Variants in RNF7 observed in about 807,000 individuals in gnomAD.
RNF7 encodes the protein ring finger protein 7, also known as RING-box protein 2.
Under a neutral mutation model 17.0 loss-of-function variants are expected in RNF7, and 9 were observed. The ratio of observed to expected loss-of-function variants is 0.53; its 90% confidence interval spans 0.32 to 0.92. The LOEUF (loss-of-function observed/expected upper bound fraction) is 0.92, where lower values mean the gene tolerates loss of function less well. Ranked by LOEUF, RNF7 falls within the 40% of genes least tolerant of loss-of-function variation. The pLI, the probability that RNF7 is intolerant of heterozygous loss-of-function variation, is 0.04. For synonymous variants in RNF7, 59 were observed against 50.5 expected, an observed-to-expected ratio of 1.17 and a Z score of -0.72; for missense variants, 87 against 145.8, an observed-to-expected ratio of 0.60 and a Z score of 2.08.
intron 1 of RNF7, among the ~76,000 whole-genome samples, chr3:141,739,308 T>G (rs1250100360): frequency 6.6e-6 from 1 of 152,196 alleles, no homozygotes; most frequent in Non-Finnish European, 1.5e-5. Flanking sequence ...GAGTCATGCC[T>G]TTGTGGAGAA....
Position 141,745,301 on chromosome 3 carries a change from G to T in RNF7, c.*24G>T, listed in dbSNP as rs377041894. 3.3e-6 allele frequency: 5 copies of T among 1,515,234 alleles called. No individual in the cohort carries two copies. The highest frequency in any genetic ancestry group is 4.6e-6 in the Non-Finnish European group (5 of 1,093,004). 93.9% of individuals were successfully genotyped at this position (1,515,234 alleles called of 1,614,324 possible). On this transcript the variant is annotated 3_prime_UTR_variant, in exon 3 of 3. Transcript: ENST00000273480. ...GAGAGTGGTTAGAAGGCTTCTTAGC[G>T]CAGTTGTTCAGAGCCCTGGTGGATC...
rs532349432 is a variant in RNF7, at chr3:141,738,312, C to T, written c.-30C>T. 6 of 1,532,282 alleles carry T rather than the reference C, an allele frequency of 3.9e-6. No individual in the cohort carries two copies. In the African/African-American group the frequency reaches 6.9e-5, roughly 18 times the overall value. 94.9% of individuals were successfully genotyped at this position (1,532,282 alleles called of 1,614,324 possible). A position where few individuals can be genotyped will look rare whatever the true frequency, so the allele number is the denominator to read the frequency against. On this transcript the variant is annotated 5_prime_UTR_variant, in exon 1 of 3. It adds an upstream start codon to the 5' untranslated region. Coordinates refer to ENST00000273480, the MANE Select transcript of RNF7 (RefSeq NM_014245.5). ...TAGCCTTCCGCCTTCCCCAAGCCAA[C>T]GTCTCCGCCGTCGGCTCCGCGGCGC...
rs1451795150 is a variant in RNF7 at position 141,738,661 on chromosome 3, G to A, written c.175+145G>A. On this transcript the variant is annotated intron_variant, in intron 1 of 2. Transcript: ENST00000273480. The stretch of plus-strand genomic sequence containing the variant: ...GAGGTCGCCCTGCCCCGGCGCCGGA[G>A]GAACGCGGAGCCACGCTCCTGCTGC... The A allele has an allele frequency of 7.8e-6, 7 of 893,828 alleles. No individual in the cohort carries two copies. The East Asian group carries it at 1.5e-4, about 19-fold the overall frequency. The allele number at this position is 893,828 out of a possible 1,614,324, so 55.4% of individuals were successfully genotyped here. A position where few individuals can be genotyped will look rare whatever the true frequency, so the allele number is the denominator to read the frequency against.
At chr3:141,741,090 T>G (rs901640840) in intron 1 of RNF7, among the ~76,000 whole-genome samples, 4 of 152,238 alleles carry the variant, frequency 2.6e-5, no homozygotes, top group African/African-American at 7.2e-5. Context: ...CCTTCATGAC[T>G]GTATCACCTT....
chr3:141,742,280 G>A (rs1012556844), intron 1 of RNF7, among the ~76,000 whole-genome samples: 34 of 143,970 alleles, frequency 2.4e-4, no homozygotes, highest in African/African-American at 8.4e-4. Flanking sequence ...AGGCTGGAGT[G>A]CAGTGGCGCT....
In RNF7 at chr3:141,743,506, T is replaced by C. The variant is rs1001997419; in HGVS notation, c.176-3T>C. ...ATGAGAATCGCTATTTGTTTACTTT[T>C]AGATGCCTGTCTTAGATGTCAAGCT... On this transcript the variant is annotated splice_polypyrimidine_tract_variant and splice_region_variant and intron_variant, in intron 1 of 2. Coordinates refer to ENST00000273480, the MANE Select transcript of RNF7 (RefSeq NM_014245.5). The C allele has an allele frequency of 6.2e-7, 1 of 1,608,878 alleles. No individual in the cohort carries two copies. Among genetic ancestry groups the C allele is most frequent in the Admixed American group, 1.7e-5 (1 of 58,864 alleles).
At chr3:141,738,956 A>T (rs937971457) in intron 1 of RNF7, among the ~76,000 whole-genome samples, 6 of 152,168 alleles carry the variant, frequency 3.9e-5, no homozygotes, top group African/African-American at 1.4e-4. Context: ...TCAGCAGTGA[A>T]CTTTAATAGT....
At position 141,738,491 on chromosome 3, in the gene RNF7, C is replaced by G; in HGVS notation, c.150C>G (p.Cys50Trp). 1 of 1,613,522 alleles carries G rather than the reference C, an allele frequency of 6.2e-7. No homozygotes were observed. The highest frequency in any genetic ancestry group is 1.7e-5 in the Admixed American group (1 of 59,988). The change falls in exon 1 of 3, where the codon TGC becomes TGG. Residue 50 changes from cysteine to tryptophan, a missense_variant. Physicochemically the swap from Cys to Trp is radical, Grantham distance 215 (BLOSUM62 -2). This residue lies in a region of RNF7 where 36 missense variants were observed against 104.7 expected (regional missense o/e 0.34). Transcript: ENST00000273480. The part of the protein sequence containing the change: ...MWSWDVECDT[C>W]AICRVQVMDA... ...GCTGGGACGTGGAGTGCGATACGTGCGCCATCTGCAGGGTCCAGGTGATGG... is the reference window on the plus strand; with the variant it reads ...GCTGGGACGTGGAGTGCGATACGTGGGCCATCTGCAGGGTCCAGGTGATGG...
In RNF7 at chr3:141,745,117, AT is replaced by A. The variant is rs1559832570; in HGVS notation, c.224-40del. 6 of 1,317,654 alleles carry A rather than the reference AT, an allele frequency of 4.6e-6. No homozygotes were observed. The South Asian group carries it at 7.6e-5, about 17-fold the overall frequency. 81.6% of individuals were successfully genotyped at this position (1,317,654 alleles called of 1,614,324 possible). A position where few individuals can be genotyped will look rare whatever the true frequency, so the allele number is the denominator to read the frequency against. On this transcript the variant is annotated intron_variant, in intron 2 of 2. Coordinates refer to ENST00000273480, the MANE Select transcript of RNF7 (RefSeq NM_014245.5). Reference sequence around the variant, plus strand: ...CTATAATTTTGAGTTCAGTGTTTAAATTGAAATATGTAATGTCAACTCTTCT... The same window carrying A: ...CTATAATTTTGAGTTCAGTGTTTAAATGAAATATGTAATGTCAACTCTTCT...
In RNF7 at chr3:141,743,490, G is replaced by A. The variant is rs72998398; in HGVS notation, c.176-19G>A. The A allele has an allele frequency of 0.014, 22,174 of 1,600,530 alleles. 2,339 individuals are homozygous for A. In the African/African-American group the frequency reaches 0.24, roughly 17 times the overall value. ...CATTCTGAGCATCAGAATGAGAATC[G>A]CTATTTGTTTACTTTTAGATGCCTG... On this transcript the variant is annotated intron_variant, in intron 1 of 2. Coordinates refer to ENST00000273480, the MANE Select transcript of RNF7 (RefSeq NM_014245.5).
intron 1 of RNF7, among the ~76,000 whole-genome samples, chr3:141,743,258 G>A (rs1467747549): frequency 2.6e-5 from 4 of 152,102 alleles, no homozygotes; most frequent in African/African-American, 4.8e-5. Context: ...TCTTGGCACC[G>A]TCAGGACATC....
At position 141,746,333 on chromosome 3, in the gene RNF7, C is replaced by T. The variant is rs762806405; in HGVS notation, c.*1056C>T. On this transcript the variant is annotated 3_prime_UTR_variant, in exon 3 of 3. Coordinates refer to ENST00000273480, the MANE Select transcript of RNF7 (RefSeq NM_014245.5). ...ACATGTTAATGAGGGAAAATGTTTA[C>T]CAGTGTAGCATTGGATCAAAAAGTT... The T allele has an allele frequency of 1.3e-5, 2 of 152,100 alleles. No homozygotes were observed. Among genetic ancestry groups the T allele is most frequent in the African/African-American group, 2.4e-5 (1 of 41,394 alleles). 9.4% of individuals were successfully genotyped at this position (152,100 alleles called of 1,614,324 possible).
chr3:141,738,320 C>T lies in RNF7; in HGVS notation c.-22C>T, dbSNP rs1176031372. 3.2e-6 allele frequency: 5 copies of T among 1,545,988 alleles called. No individual in the cohort carries two copies. In the Admixed American group the frequency reaches 5.9e-5, roughly 18 times the overall value. ...CGCCTTCCCCAAGCCAACGTCTCCG[C>T]CGTCGGCTCCGCGGCGCCGCCATGG... On this transcript the variant is annotated 5_prime_UTR_variant, in exon 1 of 3. Coordinates refer to ENST00000273480, the MANE Select transcript of RNF7 (RefSeq NM_014245.5).
chr3:141,740,208 A>G (rs1197373516), intron 1 of RNF7, among the ~76,000 whole-genome samples: 1 of 147,094 alleles, frequency 6.8e-6, no homozygotes, highest in African/African-American at 2.5e-5. Context: ...TAAACATTTT[A>G]TCTCCTAAAT....
At position 141,738,375 on chromosome 3, in the gene RNF7, G is replaced by T. The variant is rs759352977; in HGVS notation, c.34G>T (p.Ala12Ser). The stretch of plus-strand genomic sequence containing the variant: ...CGTGGAAGACGGAGAGGAAACCTGC[G>T]CCCTGGCCTCTCACTCCGGGAGCTC... The part of the protein sequence containing the change: ...ADVEDGEETC[A>S]LASHSGSSGS... Residue 12 changes from alanine (A) to serine (S), a missense_variant, in exon 1 of 3, where the codon GCC becomes TCC. Ala to Ser is a moderately conservative substitution (Grantham distance 99, BLOSUM62 1). Around this residue, in one of 2 missense-constraint regions of RNF7, gnomAD observed 51 missense variants for 41.0 expected, o/e 1.24. Coordinates refer to ENST00000273480, the MANE Select transcript of RNF7 (RefSeq NM_014245.5). 2 of 1,591,934 alleles carry T rather than the reference G, an allele frequency of 1.3e-6. No homozygotes were observed. The highest frequency in any genetic ancestry group is 2.7e-5 in the African/African-American group (2 of 74,264).
chr3:141,742,714 CTG>C (rs1350728618), intron 1 of RNF7: 1 of 1,243,256 alleles, frequency 8.0e-7, no homozygotes. Flanking sequence ...TGGGATTTGA[CTG>C]TAGATCTGGC....
rs1300167926 is a variant in RNF7, at chr3:141,738,346, C to T, written c.5C>T (p.Ala2Val). 6 of 1,565,410 alleles carry T rather than the reference C, an allele frequency of 3.8e-6. No individual in the cohort carries two copies. The highest frequency in any genetic ancestry group is 2.4e-5 in the East Asian group (1 of 41,668). The change falls in exon 1 of 3, where the codon GCC (alanine) becomes GTC (valine). Residue 2 changes from alanine to valine, a missense_variant. Coordinates refer to ENST00000273480, the MANE Select transcript of RNF7 (RefSeq NM_014245.5). ...CGTCGGCTCCGCGGCGCCGCCATGG[C>T]CGACGTGGAAGACGGAGAGGAAACC... is the stretch of plus-strand genomic sequence containing the variant. M[A>V]DVEDGEETCA...
intron 1 of RNF7, among the ~76,000 whole-genome samples, chr3:141,739,492 A>G (rs1035363765): frequency 1.3e-5 from 2 of 152,238 alleles, no homozygotes; most frequent in African/African-American, 4.8e-5. Context: ...AGGGCATTTA[A>G]AATTACTATG....
At chr3:141,744,509 C>G (rs928207415) in intron 2 of RNF7, among the ~76,000 whole-genome samples, 2 of 152,062 alleles carry the variant, frequency 1.3e-5, no homozygotes, top group Non-Finnish European at 2.9e-5. Flanking sequence ...TTCTTTCATG[C>G]TGCTTGTTTA....
Sources: gnomAD v4.1 joint callset for allele counts (sites outside exome capture counted in the v4.1 genomes callset) on GRCh38, gnomAD v4.1.1 for gene constraint, gnomAD v4.1.1 regional missense constraint, MANE v1.5 for transcripts, NCBI Gene and HGNC (gene_info 2026-07-23, HGNC 2026-07-21) for gene names.